LETM2: variants seen among roughly 807,000 people sequenced by gnomAD.
LETM2 encodes LETM1 domain-containing protein LETM2, mitochondrial.
Under a neutral mutation model 59.6 loss-of-function variants are expected in LETM2, and 58 were observed. That is an observed-to-expected ratio of 0.97 (90% CI 0.79 to 1.21). LETM2 has a LOEUF of 1.21. Among genes scored for constraint, LETM2 ranks in the 50% most tolerant of loss-of-function variants. The pLI, the probability that LETM2 is intolerant of heterozygous loss-of-function variation, is 0.00. For synonymous variants in LETM2, 199 were observed against 214.1 expected (o/e 0.93, Z 0.62); for missense variants, 572 against 575.7 (o/e 0.99, Z 0.07).
chr8:38,408,056 T>C, intron 10 of LETM2, 156 bp from the exon 11 acceptor site: 2 of 609,282 alleles, frequency 3.3e-6, no homozygotes, highest in South Asian at 2.0e-5. Flanking sequence ...CCTTGTTTTT[T>C]GTAAATCTCC....
intron 8 of LETM2, among the ~76,000 whole-genome samples, chr8:38,405,554 C>T (rs60772988): frequency 3.2e-3 from 492 of 152,286 alleles, no homozygotes; most frequent in African/African-American, 0.011. Flanking sequence ...AACCCAACTT[C>T]AGGAAACACC....
chr8:38,392,802 C>T lies in LETM2; in HGVS notation c.308C>T (p.Thr103Ile). Residue 103 changes from threonine (T) to isoleucine (I), a missense_variant, in exon 3 of 11, where the codon ACA becomes ATA. Transcript: ENST00000379957. ...CAAGCCACAAAACATCCACAGGTGA[C>T]AAGCCCTCAGGCCACAAAAGAAACT... is the stretch of plus-strand genomic sequence containing the variant. ...LEQATKHPQV[T>I]SPQATKETGM... 6.2e-7 allele frequency: 1 copy of T among 1,614,122 alleles called. No individual in the cohort carries two copies. Among genetic ancestry groups the T allele is most frequent in the African/African-American group, 1.3e-5 (1 of 75,032 alleles).
chr8:38,392,895 A>G lies in LETM2; in HGVS notation c.401A>G (p.Tyr134Cys). 1 of 1,614,044 alleles carries G rather than the reference A, an allele frequency of 6.2e-7. No homozygotes were observed. The highest frequency in any genetic ancestry group is 8.5e-7 in the Non-Finnish European group (1 of 1,180,036). The change falls in exon 3 of 11, where the codon TAC becomes TGC. Residue 134 changes from tyrosine to cysteine, a missense_variant. Tyr to Cys is a radical substitution (Grantham distance 194, BLOSUM62 -2). Transcript: ENST00000379957. ...QKIMDELKYY[Y>C]NGFYLLWIDA... ...ATCATGGATGAACTAAAATATTATTACAATGGATTCTACTTACTTTGGATT... is the reference window on the plus strand; with the variant it reads ...ATCATGGATGAACTAAAATATTATTGCAATGGATTCTACTTACTTTGGATT...
intron 2 of LETM2, among the ~76,000 whole-genome samples, chr8:38,390,985 A>T (rs1563383207): frequency 6.6e-6 from 1 of 150,772 alleles, no homozygotes; most frequent in Non-Finnish European, 1.5e-5. Context: ...CTGGCGACAA[A>T]TTTTTTTTGC....
chr8:38,389,827 C>T (rs913866422), intron 2 of LETM2, among the ~76,000 whole-genome samples: 63 of 151,722 alleles, frequency 4.2e-4, no homozygotes, highest in African/African-American at 1.4e-3. Flanking sequence ...GGTGAAACCC[C>T]GTCTCTACTA....
chr8:38,394,015 A>G (rs987558353), intron 3 of LETM2, 83 bp from the exon 4 acceptor site: 1 of 1,109,478 alleles, frequency 9.0e-7, no homozygotes. Context: ...GAAACAAGAC[A>G]GGGTTTTTTT....
rs1813547489 is a variant in LETM2, at chr8:38,404,504, G to A, written c.1216G>A (p.Glu406Lys). 6.2e-7 allele frequency: 1 copy of A among 1,605,786 alleles called. No individual in the cohort carries two copies. The highest frequency in any genetic ancestry group is 1.3e-5 in the African/African-American group (1 of 74,900). ...PKPIEIPLSG[E>K]APKTDILVEL... ...GCCGATTGAGATACCACTCAGTGGG[G>A]AGGTGAGTACCTGGGTTAATGGGGA... Residue 406 changes from glutamate to lysine, a missense_variant and splice_region_variant, in exon 8 of 11, where the codon GAG (glutamate) becomes AAG (lysine). Coordinates refer to ENST00000379957, the MANE Select transcript of LETM2 (RefSeq NM_001286819.2).
At chr8:38,388,983 C>G (rs1435924687) in intron 2 of LETM2, among the ~76,000 whole-genome samples, 1 of 151,922 alleles carries the variant, frequency 6.6e-6, no homozygotes, top group Non-Finnish European at 1.5e-5. Context: ...CCAGGCTGGT[C>G]TTGAACTCCT....
At chr8:38,395,332 T>G (rs916210583) in intron 4 of LETM2, among the ~76,000 whole-genome samples, 1 of 152,202 alleles carries the variant, frequency 6.6e-6, no homozygotes, top group Admixed American at 6.5e-5. Flanking sequence ...TGTTCTATAT[T>G]CTCACCAGCA....
chr8:38,391,521 T>G (rs1049003135), intron 2 of LETM2, among the ~76,000 whole-genome samples: 1 of 151,924 alleles, frequency 6.6e-6, no homozygotes, highest in Non-Finnish European at 1.5e-5. Flanking sequence ...CAGGATGGTC[T>G]CGATCTCTTG....
chr8:38,405,090 T>G (rs1011788828), intron 8 of LETM2, among the ~76,000 whole-genome samples: 25 of 152,234 alleles, frequency 1.6e-4, no homozygotes, highest in African/African-American at 5.8e-4. Context: ...AGTTTATTCC[T>G]TTTTCTTAAC....
At chr8:38,394,271 A>G (rs1289972965) in intron 4 of LETM2, 30 bp downstream of exon 4, 1 of 1,346,732 alleles carries the variant, frequency 7.4e-7, no homozygotes. Context: ...ATAAAATTTA[A>G]TAAACCTTAT....
chr8:38,391,669 G>A (rs1812292641), intron 2 of LETM2, among the ~76,000 whole-genome samples: 2 of 151,136 alleles, frequency 1.3e-5, no homozygotes, highest in Admixed American at 6.6e-5. Context: ...AGAAGCTAGA[G>A]ACCCTTAATT....
intron 4 of LETM2, among the ~76,000 whole-genome samples, chr8:38,397,507 T>C (rs1812785092): frequency 6.6e-6 from 1 of 152,198 alleles, no homozygotes; most frequent in Non-Finnish European, 1.5e-5. Context: ...TAAGAGAGTA[T>C]GATGTAATCA....
chr8:38,391,456 C>T (rs1423382400), intron 2 of LETM2, among the ~76,000 whole-genome samples: 1 of 151,398 alleles, frequency 6.6e-6, no homozygotes, highest in Non-Finnish European at 1.5e-5. Flanking sequence ...GCACGTGCCA[C>T]CACGCCCAGC....
Position 38,394,144 on chromosome 8 carries a change from T to C in LETM2, c.548T>C (p.Val183Ala). 1 of 1,509,822 alleles carries C rather than the reference T, an allele frequency of 6.6e-7. No individual in the cohort carries two copies. Among genetic ancestry groups the C allele is most frequent in the Non-Finnish European group, 8.8e-7 (1 of 1,135,504 alleles). 93.5% of individuals were successfully genotyped at this position (1,509,822 alleles called of 1,614,324 possible). ...VDFFRLVPFM[V>A]FLIVPFMEFL... ...TTCTTCCGCCTGGTTCCATTTATGG[T>C]GTTCTTAATTGTACCCTTCATGGAA... Residue 183 changes from valine to alanine, a missense_variant, in exon 4 of 11, where the codon GTG becomes GCG. Transcript: ENST00000379957.
chr8:38,395,104 C>G (rs1249504662), intron 4 of LETM2, among the ~76,000 whole-genome samples: 1 of 152,150 alleles, frequency 6.6e-6, no homozygotes, highest in African/African-American at 2.4e-5. Flanking sequence ...TGTACCACAG[C>G]TTGTTTATCC....
intron 4 of LETM2, among the ~76,000 whole-genome samples, chr8:38,396,004 G>A (rs1812653050): frequency 6.6e-6 from 1 of 152,012 alleles, no homozygotes; most frequent in African/African-American, 2.4e-5. Flanking sequence ...ATGACATCCA[G>A]CTTATCAATT....
rs113618665 is a variant in LETM2, at chr8:38,388,720, C to CAA, written c.47+701_47+702dup. Among the ~76,000 whole-genome samples, 1,034 of 134,022 alleles carry CAA rather than the reference C, an allele frequency of 7.7e-3. 8 individuals are homozygous for CAA. Among genetic ancestry groups the CAA allele is most frequent in the African/African-American group, 0.025 (910 of 36,608 alleles). 87.9% of individuals were successfully genotyped at this position (134,022 alleles called of 152,430 possible). On this transcript the variant is annotated intron_variant, in intron 2 of 10. Transcript: ENST00000379957. Reference sequence around the variant, plus strand: ...GGGCAACAAGAGTAAAAATCCATCTCAAAAAAAAAAAAGAAAAGAAGATGT... The same window carrying CAA: ...GGGCAACAAGAGTAAAAATCCATCTCAAAAAAAAAAAAAAGAAAAGAAGATGT...
Sources: gnomAD v4.1 joint callset for allele counts (sites outside exome capture counted in the v4.1 genomes callset) on GRCh38, gnomAD v4.1.1 for gene constraint, MANE v1.5 for transcripts, NCBI Gene and HGNC (gene_info 2026-07-23, HGNC 2026-07-21) for gene names.